Variants in GUCY2C observed in about 807,000 individuals in gnomAD.
The protein encoded by GUCY2C is guanylate cyclase 2C.
In GUCY2C, 118 loss-of-function variants were observed where a neutral mutation model predicts 131.1. The observed-to-expected ratio is 0.90, with a 90% confidence interval of 0.78 to 1.05. The LOEUF is 1.05. Ranked by LOEUF, GUCY2C falls within the 50% of genes least tolerant of loss-of-function variation. The pLI is 0.00. For synonymous variants in GUCY2C, 452 were observed against 457.8 expected, an observed-to-expected ratio of 0.99 and a Z score of 0.16; for missense variants, 1,161 against 1,304.4, an observed-to-expected ratio of 0.89 and a Z score of 1.69.
At chr12:14,657,808 C>T (rs796174702) in intron 11 of GUCY2C, among the ~76,000 whole-genome samples, 30 of 152,174 alleles carry the variant, frequency 2.0e-4, no homozygotes, top group African/African-American at 6.3e-4. Context: ...GTCAAAAGGT[C>T]GGGGACTGCT....
chr12:14,614,878 G>T lies in GUCY2C; in HGVS notation c.3036C>A (p.Thr1012=). 1 of 1,584,900 alleles carries T rather than the reference G, an allele frequency of 6.3e-7. No homozygotes were observed. The highest frequency in any genetic ancestry group is 8.6e-7 in the Non-Finnish European group (1 of 1,166,046). The part of the protein sequence containing the change: ...GMKDQKFNLP[T]PPTVENQQRL... The stretch of plus-strand genomic sequence containing the variant: ...ACCCAGAAGCTTACACAGTAGGAGG[G>T]GTTGGCAGGTTGAATTTCTGGTCCT... The change falls in exon 26 of 27, where the codon ACC becomes ACA. Residue 1012 remains threonine (T), a synonymous_variant. Coordinates refer to ENST00000261170, the MANE Select transcript of GUCY2C (RefSeq NM_004963.4).
chr12:14,623,229 T>C (rs781181941), intron 21 of GUCY2C, among the ~76,000 whole-genome samples: 66 of 152,238 alleles, frequency 4.3e-4, no homozygotes, highest in Non-Finnish European at 6.0e-4. Context: ...TGCATTACAC[T>C]CCCTGCACAA....
chr12:14,622,810 T>C (rs1009125279), intron 21 of GUCY2C, among the ~76,000 whole-genome samples: 1 of 152,224 alleles, frequency 6.6e-6, no homozygotes, highest in African/African-American at 2.4e-5. Flanking sequence ...AATTAAATCA[T>C]GCTAAAACTG....
chr12:14,666,845 A>T (rs1947992602), intron 10 of GUCY2C, among the ~76,000 whole-genome samples: 1 of 152,102 alleles, frequency 6.6e-6, no homozygotes, highest in South Asian at 2.1e-4. Flanking sequence ...TTATTGCTTC[A>T]TTGGTAAAGT....
At position 14,621,087 on chromosome 12, in the gene GUCY2C, G is replaced by C; in HGVS notation, c.2731C>G (p.His911Asp). ...LSFMGTFELE[H>D]LPGLPIWIRI... ...ATCCATATTGGGAGGCCAGGAAGAT[G>C]CTCCAGCTCAAAGGTCCCCATGAAG... Residue 911 changes from histidine to aspartate, a missense_variant, in exon 23 of 27, where the codon CAT (histidine) becomes GAT (aspartate). His to Asp is a moderately conservative substitution (Grantham distance 81). Coordinates refer to ENST00000261170, the MANE Select transcript of GUCY2C (RefSeq NM_004963.4). 6.2e-7 allele frequency: 1 copy of C among 1,613,960 alleles called. No individual in the cohort carries two copies. Among genetic ancestry groups the C allele is most frequent in the South Asian group, 1.1e-5 (1 of 91,082 alleles).
At chr12:14,694,094 T>A (rs1471583809) in intron 1 of GUCY2C, among the ~76,000 whole-genome samples, 1 of 152,224 alleles carries the variant, frequency 6.6e-6, no homozygotes, top group Non-Finnish European at 1.5e-5. Flanking sequence ...GCTATTCATA[T>A]CGGGTAACTA....
At chr12:14,676,317 A>G (rs938865556) in intron 7 of GUCY2C, among the ~76,000 whole-genome samples, 16 of 152,244 alleles carry the variant, frequency 1.1e-4, no homozygotes, top group African/African-American at 3.6e-4. Flanking sequence ...ACCAGATGGC[A>G]TAATGGAATA....
intron 18 of GUCY2C, 107 bp from the exon 19 acceptor site, chr12:14,640,057 C>T (rs1947361003): frequency 1.3e-6 from 1 of 757,982 alleles, no homozygotes; most frequent in Non-Finnish European, 2.3e-6. Context: ...TGGCTCTTAG[C>T]TCAGTGAGAG....
chr12:14,626,057 C>A, intron 20 of GUCY2C, 142 bp from the exon 21 acceptor site: 1 of 600,846 alleles, frequency 1.7e-6, no homozygotes, highest in Non-Finnish European at 2.9e-6. Flanking sequence ...AACTCAACCT[C>A]ATCCGGGCAC....
At chr12:14,639,113 C>A (rs1352284759) in intron 19 of GUCY2C, among the ~76,000 whole-genome samples, 1 of 152,040 alleles carries the variant, frequency 6.6e-6, no homozygotes, top group Non-Finnish European at 1.5e-5. Context: ...GCCTGGCCAA[C>A]ATGGTGAAAC....
At chr12:14,674,522 G>A (rs1237639732) in intron 8 of GUCY2C, 103 bp downstream of exon 8, 4 of 936,428 alleles carry the variant, frequency 4.3e-6, no homozygotes, top group Non-Finnish European at 6.6e-6. Flanking sequence ...AAGGGATTTA[G>A]CTGTGGAATC....
At chr12:14,675,688 GACCTTC>G (rs1371487279) in intron 7 of GUCY2C, among the ~76,000 whole-genome samples, 1 of 152,146 alleles carries the variant, frequency 6.6e-6, no homozygotes, top group Non-Finnish European at 1.5e-5. Context: ...GGAGAATGGT[GACCTTC>G]ACAGGGCTGA....
intron 13 of GUCY2C, 92 bp downstream of exon 13, chr12:14,652,860 T>C (rs1343653804): frequency 3.2e-5 from 27 of 846,916 alleles, no homozygotes; most frequent in Middle Eastern, 4.9e-4. Flanking sequence ...ACTCCCACCA[T>C]TGTGATACTG....
chr12:14,662,974 C>T (rs757276331), intron 10 of GUCY2C, among the ~76,000 whole-genome samples: 18 of 152,022 alleles, frequency 1.2e-4, no homozygotes, highest in Non-Finnish European at 2.1e-4. Context: ...ACACTAGAAG[C>T]TCATGCATAT....
intron 5 of GUCY2C, 66 bp from the exon 6 acceptor site, chr12:14,679,819 A>G: frequency 1.2e-6 from 1 of 805,192 alleles, no homozygotes; most frequent in Non-Finnish European, 2.2e-6. Flanking sequence ...GCAGGGAACC[A>G]GTTGCCTGAA....
At chr12:14,622,659 T>C (rs940795190) in intron 21 of GUCY2C, among the ~76,000 whole-genome samples, 2 of 152,214 alleles carry the variant, frequency 1.3e-5, no homozygotes, top group African/African-American at 4.8e-5. Flanking sequence ...TTTCCTGGCA[T>C]ATGTAATATG....
intron 16 of GUCY2C, 110 bp downstream of exon 16, chr12:14,645,119 T>C: frequency 1.5e-6 from 1 of 650,286 alleles, no homozygotes; most frequent in Non-Finnish European, 2.7e-6. Flanking sequence ...GACATAGCTA[T>C]TATTATCATT....
At chr12:14,627,485 G>T (rs1947046934) in intron 20 of GUCY2C, among the ~76,000 whole-genome samples, 1 of 152,166 alleles carries the variant, frequency 6.6e-6, no homozygotes, top group South Asian at 2.1e-4. Context: ...ACTCTAGGAT[G>T]AATTGATTCA....
intron 22 of GUCY2C, 93 bp downstream of exon 22, chr12:14,621,912 C>T (rs750747050): frequency 3.1e-5 from 24 of 785,246 alleles, no homozygotes; most frequent in Non-Finnish European, 4.2e-5. Context: ...GAAACTAGAG[C>T]GGTCAAGAGT....
Sources: gnomAD v4.1 joint callset for allele counts (sites outside exome capture counted in the v4.1 genomes callset) on GRCh38, gnomAD v4.1.1 for gene constraint, MANE v1.5 for transcripts, NCBI Gene and HGNC (gene_info 2026-07-23, HGNC 2026-07-21) for gene names.